DYM: variants seen among roughly 807,000 people sequenced by gnomAD.
DYM encodes the protein dyggve-Melchior-Clausen syndrome protein.
DYM carries 78 observed loss-of-function variants against 93.1 expected under a neutral mutation model. That is an observed-to-expected ratio of 0.84 (90% CI 0.70 to 1.01). DYM has a LOEUF of 1.01. DYM is among the 50% of genes least tolerant of loss of function. The pLI, the probability that DYM is intolerant of heterozygous loss-of-function variation, is 0.00. For synonymous variants in DYM, 321 were observed against 319.7 expected (o/e 1.00, Z -0.04); for missense variants, 789 against 845.0 (o/e 0.93, Z 0.82).
intron 2 of DYM, among the ~76,000 whole-genome samples, chr18:49,408,667 T>C (rs1359392080): frequency 2.0e-5 from 3 of 152,200 alleles, no homozygotes; most frequent in Non-Finnish European, 4.4e-5. Flanking sequence ...ATTACAAATA[T>C]GGATTGTTTT....
At chr18:49,330,637 C>G in intron 8 of DYM, among the ~76,000 whole-genome samples, 1 of 152,072 alleles carries the variant, frequency 6.6e-6, no homozygotes, top group Non-Finnish European at 1.5e-5. Flanking sequence ...CTCTGCCACC[C>G]CAAAAAAACC....
chr18:49,197,894 T>C, intron 14 of DYM, among the ~76,000 whole-genome samples: 1 of 152,194 alleles, frequency 6.6e-6, no homozygotes, highest in East Asian at 1.9e-4. Context: ...AAAGTTCATA[T>C]GGAACCAAAA....
At chr18:49,161,780 T>C (rs936260785) in intron 15 of DYM, among the ~76,000 whole-genome samples, 1 of 152,246 alleles carries the variant, frequency 6.6e-6, no homozygotes, top group Admixed American at 6.5e-5. Flanking sequence ...CCAGTCAGGC[T>C]GTGGCTGCAC....
At chr18:49,210,632 A>C (rs1412835605) in intron 13 of DYM, among the ~76,000 whole-genome samples, 2 of 152,214 alleles carry the variant, frequency 1.3e-5, no homozygotes, top group East Asian at 1.9e-4. Context: ...GGATACATAC[A>C]TTTGTCAAAA....
intron 8 of DYM, among the ~76,000 whole-genome samples, chr18:49,329,958 C>T (rs1189153268): frequency 6.6e-6 from 1 of 152,194 alleles, no homozygotes; most frequent in Non-Finnish European, 1.5e-5. Context: ...AGTGATCACA[C>T]AACTTAAGTC....
chr18:49,349,156 C>T (rs2064895263), intron 6 of DYM, among the ~76,000 whole-genome samples: 2 of 152,086 alleles, frequency 1.3e-5, no homozygotes, highest in Non-Finnish European at 2.9e-5. Flanking sequence ...TGCAGTGAGC[C>T]AAGATCGTGC....
intron 2 of DYM, among the ~76,000 whole-genome samples, chr18:49,419,365 T>TA (rs1157180667): frequency 1.3e-5 from 2 of 151,020 alleles, no homozygotes; most frequent in South Asian, 2.1e-4. Context: ...TCTCAAAAAT[T>TA]AAAAAAATAA....
At chr18:49,371,718 A>G (rs1471276896) in intron 5 of DYM, among the ~76,000 whole-genome samples, 1 of 152,216 alleles carries the variant, frequency 6.6e-6, no homozygotes, top group Admixed American at 6.5e-5. Flanking sequence ...ATTACTTCAT[A>G]GTTTTGCCTA....
chr18:49,288,144 T>C (rs1354029592), intron 8 of DYM, among the ~76,000 whole-genome samples: 1 of 152,206 alleles, frequency 6.6e-6, no homozygotes, highest in East Asian at 1.9e-4. Flanking sequence ...ATTATATTTC[T>C]ATTGGACAGA....
At chr18:49,257,565 G>A (rs1317082058) in intron 12 of DYM, among the ~76,000 whole-genome samples, 1 of 152,192 alleles carries the variant, frequency 6.6e-6, no homozygotes, top group African/African-American at 2.4e-5. Context: ...GCTGGGAGTA[G>A]GGGCTCACGC....
chr18:49,440,870 A>T (rs1347432860), intron 1 of DYM, among the ~76,000 whole-genome samples: 19 of 40 alleles, frequency 0.47, 2 homozygotes, highest in Non-Finnish European at 0.5. Flanking sequence ...TATATTATAT[A>T]TAATATATAT....
intron 8 of DYM, among the ~76,000 whole-genome samples, chr18:49,293,842 GGCTTTTGTTGTCATT>G (rs1468185533): frequency 8.6e-5 from 13 of 152,040 alleles, no homozygotes; most frequent in Non-Finnish European, 1.8e-4. Context: ...TGTCAATTTT[GGCTTTTGTTGTCATT>G]GCTTTTGATG....
At chr18:49,352,888 T>A (rs991738764) in intron 6 of DYM, among the ~76,000 whole-genome samples, 2 of 152,224 alleles carry the variant, frequency 1.3e-5, no homozygotes, top group South Asian at 2.1e-4. Context: ...GATTTTTTTT[T>A]AAAGCTTTTC....
chr18:49,159,414 A>C (rs1357248490), intron 15 of DYM, among the ~76,000 whole-genome samples: 1 of 152,254 alleles, frequency 6.6e-6, no homozygotes, highest in African/African-American at 2.4e-5. Flanking sequence ...GTTTGTAAAC[A>C]AGGTCTAAAA....
At chr18:49,051,689 A>C (rs1253412925) in intron 17 of DYM, among the ~76,000 whole-genome samples, 1 of 152,222 alleles carries the variant, frequency 6.6e-6, no homozygotes, top group Non-Finnish European at 1.5e-5. Context: ...CTGAAAACAA[A>C]GACAAGCTTG....
chr18:49,125,903 TATC>T (rs1047749199), intron 15 of DYM, among the ~76,000 whole-genome samples: 1 of 152,196 alleles, frequency 6.6e-6, no homozygotes, highest in African/African-American at 2.4e-5. Flanking sequence ...CTGTTATAGC[TATC>T]ATCTTCTTCT....
chr18:49,229,273 CA>C (rs775420153), intron 13 of DYM, among the ~76,000 whole-genome samples: 6 of 151,752 alleles, frequency 4.0e-5, no homozygotes, highest in Non-Finnish European at 7.4e-5. Flanking sequence ...AAACAAGTAT[CA>C]GGGGAAAAAT....
chr18:49,378,447 A>AT, intron 5 of DYM, 120 bp downstream of exon 5: 1 of 979,094 alleles, frequency 1.0e-6, no homozygotes, highest in Non-Finnish European at 1.5e-6. Flanking sequence ...GTATAAGTTC[A>AT]TTTTAAAATG....
intron 16 of DYM, among the ~76,000 whole-genome samples, chr18:49,100,745 A>G (rs2080049634): frequency 6.6e-6 from 1 of 152,198 alleles, no homozygotes; most frequent in African/African-American, 2.4e-5. Context: ...AATTCTCATG[A>G]CAATCCCATG....
Sources: allele counts gnomAD v4.1 joint callset (sites outside exome capture counted in the v4.1 genomes callset), GRCh38; gene constraint gnomAD v4.1.1; transcripts MANE v1.5; gene names NCBI Gene and HGNC (gene_info 2026-07-23, HGNC 2026-07-21).